SMOC1: variants seen among roughly 807,000 people sequenced by gnomAD.
SMOC1 encodes SPARC-related modular calcium-binding protein 1.
A neutral mutation model predicts 56.3 loss-of-function variants in SMOC1; 22 were observed. The observed-to-expected ratio is 0.39, with a 90% confidence interval of 0.28 to 0.56. The LOEUF (loss-of-function observed/expected upper bound fraction) is 0.56. Among genes scored for constraint, SMOC1 ranks in the 20% least tolerant of loss-of-function variants. The pLI is 0.61. For missense variants in SMOC1, 509 were observed against 565.4 expected (o/e 0.90, Z 1.01); for synonymous variants, 193 against 215.0 (o/e 0.90, Z 0.89).
intron 1 of SMOC1, among the ~76,000 whole-genome samples, chr14:69,947,629 G>T (rs912062250): frequency 6.6e-6 from 1 of 151,806 alleles, no homozygotes; most frequent in Non-Finnish European, 1.5e-5. Context: ...AGAAAAATTC[G>T]ATTGAAGACT....
intron 1 of SMOC1, among the ~76,000 whole-genome samples, chr14:69,888,386 A>C (rs1283681622): frequency 6.6e-6 from 1 of 152,222 alleles, no homozygotes; most frequent in East Asian, 1.9e-4. Flanking sequence ...CTTGTTAGGT[A>C]TGGAGCTCTG....
chr14:70,010,123 T>G (rs1164794354), intron 7 of SMOC1, among the ~76,000 whole-genome samples: 1 of 152,246 alleles, frequency 6.6e-6, no homozygotes, highest in Non-Finnish European at 1.5e-5. Context: ...TGGGCCTGTT[T>G]TCTCTCCAAT....
chr14:69,921,701 G>C (rs1292719348), intron 1 of SMOC1, among the ~76,000 whole-genome samples: 1 of 152,204 alleles, frequency 6.6e-6, no homozygotes, highest in African/African-American at 2.4e-5. Context: ...AGCATTCCCA[G>C]GGCCTGGGCT....
At chr14:70,002,619 A>G (rs766073369) in intron 7 of SMOC1, among the ~76,000 whole-genome samples, 38 of 152,354 alleles carry the variant, frequency 2.5e-4, no homozygotes, top group Non-Finnish European at 4.4e-4. Flanking sequence ...GCGATGGCCA[A>G]GTGGCACTGA....
intron 6 of SMOC1, 134 bp downstream of exon 6, chr14:69,992,607 G>A: frequency 1.3e-6 from 1 of 784,632 alleles, no homozygotes; most frequent in South Asian, 1.6e-5. Context: ...CCCAGTGTAA[G>A]CTGGGTTGTT....
chr14:70,001,960 A>C (rs1386822232), intron 7 of SMOC1, among the ~76,000 whole-genome samples: 1 of 152,168 alleles, frequency 6.6e-6, no homozygotes. Context: ...AACATGCCAG[A>C]CCCTTCGATA....
rs1238533915 is a variant in SMOC1, at chr14:69,955,467, GTTATATA to G, written c.378+1945_378+1951del. Among the ~76,000 whole-genome samples the G allele has an allele frequency of 2.6e-5, 4 of 151,884 alleles. No homozygotes were observed. The East Asian group carries it at 7.7e-4, about 29-fold the overall frequency. On this transcript the variant is annotated intron_variant, in intron 3 of 11. Coordinates refer to ENST00000361956, the MANE Select transcript of SMOC1 (RefSeq NM_001034852.3). Reference sequence around the variant, plus strand: ...ACTATTATTGTATGTAATAATAATTGTTATATATTATATATTCCTATAATTAGTATTG... The same window carrying G: ...ACTATTATTGTATGTAATAATAATTGTTATATATTCCTATAATTAGTATTG...
chr14:69,994,478 CA>C lies in SMOC1; in HGVS notation c.663del (p.Glu222ArgfsTer67). The C allele has an allele frequency of 6.2e-7, 1 of 1,611,096 alleles. No homozygotes were observed. The highest frequency in any genetic ancestry group is 8.5e-7 in the Non-Finnish European group (1 of 1,177,416). The stretch of plus-strand genomic sequence containing the variant: ...CTGAACAACACCAACATAAGAAATT[CA>C]GGTAAATAACCTTCCTTGGATTATA... ...SKLNNTNIRNSEKVYSCDQER... is the reference protein window; with the variant it reads ...SKLNNTNIRNXEKVYSCDQER... On this transcript the variant is annotated frameshift_variant and splice_region_variant, in exon 7 of 12. Coordinates refer to ENST00000361956, the MANE Select transcript of SMOC1 (RefSeq NM_001034852.3). LOFTEE classifies it high-confidence loss of function.
chr14:69,887,068 G>C (rs1156928211), intron 1 of SMOC1, among the ~76,000 whole-genome samples: 7 of 152,122 alleles, frequency 4.6e-5, no homozygotes, highest in Non-Finnish European at 7.3e-5. Flanking sequence ...TGCCTGGAAA[G>C]AGCCCAGATG....
At chr14:70,014,212 A>G (rs1323372508) in intron 10 of SMOC1, among the ~76,000 whole-genome samples, 5 of 152,192 alleles carry the variant, frequency 3.3e-5, no homozygotes, top group African/African-American at 9.7e-5. Context: ...CCCACCTTCA[A>G]AGGATGCAGC....
At chr14:70,012,049 C>A (rs112802247) in intron 9 of SMOC1, among the ~76,000 whole-genome samples, 14 of 152,312 alleles carry the variant, frequency 9.2e-5, no homozygotes, top group Admixed American at 3.3e-4. Context: ...GGCTGATGTG[C>A]GGGTTTCCCC....
intron 1 of SMOC1, among the ~76,000 whole-genome samples, chr14:69,904,870 C>T (rs1308865169): frequency 3.3e-5 from 5 of 152,190 alleles, no homozygotes; most frequent in African/African-American, 4.8e-5. Context: ...GATTTAGCAG[C>T]GATCCTTCAA....
chr14:69,960,269 C>T (rs1358727595), intron 3 of SMOC1, among the ~76,000 whole-genome samples: 1 of 152,172 alleles, frequency 6.6e-6, no homozygotes, highest in Non-Finnish European at 1.5e-5. Context: ...CCTAGAGCAA[C>T]AGTTTGGCTC....
intron 3 of SMOC1, among the ~76,000 whole-genome samples, chr14:69,961,272 GTATATATA>G (rs35703501): frequency 0.032 from 2,411 of 74,976 alleles, 59 homozygotes; most frequent in Middle Eastern, 0.038. Context: ...ATTCTATTGT[GTATATATA>G]TATATATATA....
chr14:69,930,419 G>A (rs921759550), intron 1 of SMOC1, among the ~76,000 whole-genome samples: 2 of 152,304 alleles, frequency 1.3e-5, no homozygotes, highest in Admixed American at 6.5e-5. Flanking sequence ...AGCAGAAACC[G>A]AGTCCTCTTT....
At chr14:70,014,788 C>T (rs1885449166) in intron 10 of SMOC1, among the ~76,000 whole-genome samples, 1 of 152,118 alleles carries the variant, frequency 6.6e-6, no homozygotes, top group African/African-American at 2.4e-5. Flanking sequence ...AGCGTTAGTC[C>T]CCCGGCATCT....
chr14:69,948,313 A>G (rs1049927457), intron 1 of SMOC1, among the ~76,000 whole-genome samples: 4 of 152,224 alleles, frequency 2.6e-5, no homozygotes, highest in Non-Finnish European at 5.9e-5. Flanking sequence ...AAGATTGTCA[A>G]TGACCCCATG....
At chr14:69,994,620 A>G in intron 7 of SMOC1, 140 bp downstream of exon 7, 1 of 727,986 alleles carries the variant, frequency 1.4e-6, no homozygotes, top group East Asian at 2.6e-5. Flanking sequence ...AAATAAAGAG[A>G]TTGGATAAGT....
At chr14:69,915,691 A>G (rs1884668433) in intron 1 of SMOC1, among the ~76,000 whole-genome samples, 1 of 152,186 alleles carries the variant, frequency 6.6e-6, no homozygotes, top group Non-Finnish European at 1.5e-5. Flanking sequence ...ATGACCTCCA[A>G]GCTGGCTAAT....
Sources: gnomAD v4.1 joint callset for allele counts (sites outside exome capture counted in the v4.1 genomes callset) on GRCh38, gnomAD v4.1.1 for gene constraint, MANE v1.5 for transcripts, NCBI Gene and HGNC (gene_info 2026-07-23, HGNC 2026-07-21) for gene names.